The following CSNK1A1 variants were observed in gnomAD, a reference collection of about 807,000 sequenced individuals.
The protein encoded by CSNK1A1 is casein kinase I isoform alpha.
A neutral mutation model predicts 46.1 loss-of-function variants in CSNK1A1; 7 were observed. The observed-to-expected ratio is 0.15, with a 90% confidence interval of 0.09 to 0.29. CSNK1A1 has a LOEUF of 0.29. Among genes scored for constraint, CSNK1A1 ranks in the 10% least tolerant of loss-of-function variants. The probability of loss-of-function intolerance (pLI) is 1.00; values close to 1 mark genes in which losing one functional copy is unlikely to be tolerated. For synonymous variants in CSNK1A1, 137 were observed against 141.5 expected (o/e 0.97, Z 0.23); for missense variants, 96 against 417.1 (o/e 0.23, Z 6.71).
At chr5:149,510,050 A>C in intron 6 of CSNK1A1, 97 bp from the exon 7 acceptor site, 1 of 744,506 alleles carries the variant, frequency 1.3e-6, no homozygotes, top group Non-Finnish European at 2.0e-6. Context: ...TACCTGTGAG[A>C]TTCAAGAGAA....
intron 2 of CSNK1A1, among the ~76,000 whole-genome samples, chr5:149,535,964 T>C (rs1219744655): frequency 6.6e-6 from 1 of 151,996 alleles, no homozygotes; most frequent in Non-Finnish European, 1.5e-5. Flanking sequence ...GCTTTCTTTC[T>C]TTTTTTGAGA....
chr5:149,546,985 C>T (rs1163423940), intron 2 of CSNK1A1, among the ~76,000 whole-genome samples: 1 of 151,806 alleles, frequency 6.6e-6, no homozygotes, highest in Non-Finnish European at 1.5e-5. Context: ...TTTTACATTT[C>T]ACTTTAAAAC....
At chr5:149,544,507 ATT>A (rs10562615) in intron 2 of CSNK1A1, among the ~76,000 whole-genome samples, 97,168 of 150,886 alleles carry the variant, frequency 0.64, 32,573 homozygotes, top group East Asian at 0.99. Flanking sequence ...TATAAAAAAA[ATT>A]TAAAAAAATT....
At position 149,550,639 on chromosome 5, in the gene CSNK1A1, A is replaced by G. The variant is rs918360461; in HGVS notation, c.123+203T>C. ...GACGTGTTTAACAAGGTGGGAAACT[A>G]GTTCCCCCAACCTTTCTATCGGGTT... On this transcript the variant is annotated intron_variant, in intron 1 of 9. Coordinates refer to ENST00000377843, the MANE Select transcript of CSNK1A1 (RefSeq NM_001892.6). This position sits in a 1 kb window ranked among gnomAD's most constrained non-coding sequence, Gnocchi z 4.3. 2.6e-5 allele frequency among the ~76,000 whole-genome samples: 4 copies of G among 151,572 alleles called. No homozygotes were observed. The highest frequency in any genetic ancestry group is 4.4e-5 in the Non-Finnish European group (3 of 67,960).
intron 7 of CSNK1A1, among the ~76,000 whole-genome samples, chr5:149,509,476 C>T (rs1761145268): frequency 6.6e-6 from 1 of 150,708 alleles, no homozygotes; most frequent in African/African-American, 2.4e-5. Flanking sequence ...AGATTCACCA[C>T]TGCAATTGGA....
chr5:149,514,059 G>A (rs1024939257), intron 4 of CSNK1A1, among the ~76,000 whole-genome samples: 1 of 152,072 alleles, frequency 6.6e-6, no homozygotes, highest in African/African-American at 2.4e-5. Context: ...ACTTAGCACT[G>A]ACATTATACA....
At chr5:149,530,727 G>A (rs1328467684) in intron 2 of CSNK1A1, among the ~76,000 whole-genome samples, 2 of 152,086 alleles carry the variant, frequency 1.3e-5, no homozygotes, top group East Asian at 3.9e-4. Flanking sequence ...CAGCACTCTG[G>A]GAAGCCGAGG....
At position 149,550,932 on chromosome 5, in the gene CSNK1A1, G is replaced by A. The variant is rs1762639723; in HGVS notation, c.33C>T (p.Phe11=). ...CCAGTTTATATTTCCCTCCGACAATGAATTCAGCCTTGGAGCCGCTGCTAC... is the reference window on the plus strand; with the variant it reads ...CCAGTTTATATTTCCCTCCGACAATAAATTCAGCCTTGGAGCCGCTGCTAC... MASSSGSKAE[F]IVGGKYKLVR... Residue 11 remains phenylalanine (F), a synonymous_variant, in exon 1 of 10, where the codon TTC becomes TTT. Transcript: ENST00000377843. This position sits in a 1 kb window ranked among gnomAD's most constrained non-coding sequence, Gnocchi z 4.3. The A allele has an allele frequency of 6.2e-7, 1 of 1,614,140 alleles. No individual in the cohort carries two copies. The highest frequency in any genetic ancestry group is 2.2e-5 in the East Asian group (1 of 44,878).
intron 2 of CSNK1A1, among the ~76,000 whole-genome samples, chr5:149,549,044 A>G (rs1762573594): frequency 6.6e-6 from 1 of 152,230 alleles, no homozygotes; most frequent in Admixed American, 6.5e-5. Context: ...TAACCATTTG[A>G]CAGAACAATG....
chr5:149,496,888 G>C (rs1760670272), intron 9 of CSNK1A1, 28 bp from the exon 10 acceptor site: 1 of 1,534,922 alleles, frequency 6.5e-7, no homozygotes, highest in East Asian at 2.4e-5. Context: ...CAAAAAAAAA[G>C]TTAAAATTCC....
chr5:149,540,347 C>T (rs1406098712), intron 2 of CSNK1A1, among the ~76,000 whole-genome samples: 1 of 152,136 alleles, frequency 6.6e-6, no homozygotes, highest in Admixed American at 6.6e-5. Flanking sequence ...TTGTGTAGCA[C>T]TTCCAAAATC....
At chr5:149,541,829 G>T (rs925435974) in intron 2 of CSNK1A1, among the ~76,000 whole-genome samples, 5 of 151,832 alleles carry the variant, frequency 3.3e-5, no homozygotes, top group Non-Finnish European at 7.4e-5. Context: ...AAATTAGCCA[G>T]GCATGGTGGT....
chr5:149,517,743 G>A lies in CSNK1A1; in HGVS notation c.456+2547C>T. 8.7e-7 allele frequency: 1 copy of A among 1,147,052 alleles called. No individual in the cohort carries two copies. Among genetic ancestry groups the A allele is most frequent in the Non-Finnish European group, 1.3e-6 (1 of 786,862 alleles). 71.1% of individuals were successfully genotyped at this position (1,147,052 alleles called of 1,614,324 possible). A position where few individuals can be genotyped will look rare whatever the true frequency, so the allele number is the denominator to read the frequency against. On this transcript the variant is annotated intron_variant, in intron 4 of 9. Transcript: ENST00000377843. The surrounding 1 kb of genome is among the most constrained non-coding windows in gnomAD (Gnocchi z 4.4). The stretch of plus-strand genomic sequence containing the variant: ...ATCATCAAAATAAAACAATAAAAAA[G>A]AAAAGCACATGAATTTGGGATTGAG...
At chr5:149,532,041 G>A (rs1761917524) in intron 2 of CSNK1A1, among the ~76,000 whole-genome samples, 1 of 151,842 alleles carries the variant, frequency 6.6e-6, no homozygotes, top group Non-Finnish European at 1.5e-5. Flanking sequence ...ACCACTCCTG[G>A]CTGATTTTTG....
rs1760800735 is a variant in CSNK1A1 at position 149,500,234 on chromosome 5, T to C, written c.1007-3374A>G. 2.0e-5 allele frequency among the ~76,000 whole-genome samples: 3 copies of C among 150,998 alleles called. No homozygotes were observed. In the South Asian group the frequency reaches 6.3e-4, roughly 32 times the overall value. ...CTCACTGCAAGCTCCGCCTCCTGGG[T>C]TCACGCCATTCTCCTGCCTCAGCCT... On this transcript the variant is annotated intron_variant, in intron 9 of 9. Coordinates refer to ENST00000377843, the MANE Select transcript of CSNK1A1 (RefSeq NM_001892.6).
In CSNK1A1 at chr5:149,496,731, C is replaced by T; in HGVS notation, c.*122G>A. On this transcript the variant is annotated 3_prime_UTR_variant, in exon 10 of 10. Transcript: ENST00000377843. ...TTATACTGAAATTAAGTTCTTTACA[C>T]CAAGTAAATGGTTGTCCACAACCAC... 1 of 1,372,484 alleles carries T rather than the reference C, an allele frequency of 7.3e-7. No homozygotes were observed. The highest frequency in any genetic ancestry group is 9.8e-7 in the Non-Finnish European group (1 of 1,021,666). The allele number at this position is 1,372,484 out of a possible 1,614,324, so 85.0% of individuals were successfully genotyped here. A position where few individuals can be genotyped will look rare whatever the true frequency, so the allele number is the denominator to read the frequency against.
At chr5:149,520,628 A>G (rs1283422183) in intron 3 of CSNK1A1, among the ~76,000 whole-genome samples, 1 of 152,186 alleles carries the variant, frequency 6.6e-6, no homozygotes, top group Non-Finnish European at 1.5e-5. Context: ...GGCAGGGTCT[A>G]ACCCCATAGG....
intron 2 of CSNK1A1, among the ~76,000 whole-genome samples, chr5:149,544,737 T>TTATATATATATATATATGTATATA (rs1762410789): frequency 1.2e-5 from 1 of 80,806 alleles, no homozygotes; most frequent in Non-Finnish European, 2.2e-5. Flanking sequence ...GTAAAGAGCT[T>TTATATATATATATATATGTATATA]TATATATATA....
At chr5:149,497,069 T>C in intron 9 of CSNK1A1, 3 of 1,388,550 alleles carry the variant, frequency 2.2e-6, no homozygotes, top group East Asian at 2.7e-5. Context: ...TGAATGACTC[T>C]AGGAAGGAGT....
Sources: allele counts gnomAD v4.1 joint callset (sites outside exome capture counted in the v4.1 genomes callset), GRCh38; gene constraint gnomAD v4.1.1; non-coding constraint Gnocchi (gnomAD v3.1); transcripts MANE v1.5; gene names NCBI Gene and HGNC (gene_info 2026-07-23, HGNC 2026-07-21).